The following SRD5A2 variants were observed in gnomAD, a reference collection of about 807,000 sequenced individuals.
SRD5A2 encodes the protein 3-oxo-5-alpha-steroid 4-dehydrogenase 2.
A neutral mutation model predicts 27.4 loss-of-function variants in SRD5A2; 30 were observed. That is an observed-to-expected ratio of 1.10 (90% confidence interval 0.82 to 1.49). SRD5A2 has a LOEUF of 1.49. Among genes scored for constraint, SRD5A2 ranks in the 40% most tolerant of loss-of-function variants. The probability of loss-of-function intolerance (pLI) is 0.00; values close to 1 mark genes in which losing one functional copy is unlikely to be tolerated. For synonymous variants in SRD5A2, 141 were observed against 133.6 expected (o/e 1.06, Z -0.38); for missense variants, 348 against 323.4 (o/e 1.08, Z -0.58).
At chr2:31,585,977 G>A in the SRD5A2 span, among the ~76,000 whole-genome samples, 20 of 152,164 alleles carry the variant, frequency 1.3e-4, no homozygotes, top group African/African-American at 4.6e-4. Context: ...GGAGGAAAGA[G>A]TGGGAAAGAC....
At chr2:31,562,217 C>A (rs1666638177) in intron 1 of SRD5A2, among the ~76,000 whole-genome samples, 1 of 151,548 alleles carries the variant, frequency 6.6e-6, no homozygotes. Flanking sequence ...GTTTACAGGT[C>A]TTTTTTTTCC....
the SRD5A2 span, among the ~76,000 whole-genome samples, chr2:31,599,958 A>G: frequency 1.3e-5 from 2 of 151,946 alleles, no homozygotes; most frequent in East Asian, 1.9e-4. Context: ...CCCATTAGTT[A>G]TTTTTCCTGA....
intron 1 of SRD5A2, among the ~76,000 whole-genome samples, chr2:31,555,570 T>C (rs1409337980): frequency 2.0e-5 from 3 of 152,180 alleles, no homozygotes; most frequent in Non-Finnish European, 2.9e-5. Context: ...TTTCTGAAAC[T>C]ACAGCCAGCA....
the SRD5A2 span, among the ~76,000 whole-genome samples, chr2:31,632,610 C>T: frequency 3.9e-5 from 6 of 152,118 alleles, no homozygotes; most frequent in East Asian, 1.9e-4. Context: ...GACACTGGCA[C>T]GGCCTTCTCG....
chr2:31,635,498 T>C, the SRD5A2 span, among the ~76,000 whole-genome samples: 1 of 152,118 alleles, frequency 6.6e-6, no homozygotes, highest in Non-Finnish European at 1.5e-5. Context: ...TTTTGTGGAT[T>C]GTTTCTTCAC....
the SRD5A2 span, among the ~76,000 whole-genome samples, chr2:31,662,325 T>C: frequency 2.6e-5 from 4 of 152,100 alleles, no homozygotes; most frequent in African/African-American, 9.7e-5. Flanking sequence ...TGTTTGTTTA[T>C]GTTTTTGTTT....
chr2:31,571,248 G>C (rs761002808), intron 1 of SRD5A2, among the ~76,000 whole-genome samples: 14 of 152,020 alleles, frequency 9.2e-5, no homozygotes, highest in Non-Finnish European at 1.9e-4. Flanking sequence ...ATTTAATACA[G>C]TTGACAAAAG....
the SRD5A2 span, among the ~76,000 whole-genome samples, chr2:31,596,439 G>T: frequency 7.2e-6 from 1 of 138,422 alleles, no homozygotes; most frequent in African/African-American, 2.7e-5. Context: ...ACAGGACAAA[G>T]ATGCCCACTT....
chr2:31,592,757 C>A, the SRD5A2 span, among the ~76,000 whole-genome samples: 1 of 152,078 alleles, frequency 6.6e-6, no homozygotes, highest in Non-Finnish European at 1.5e-5. Flanking sequence ...CAGAAGGAAC[C>A]AGAGATGACA....
chr2:31,653,439 A>ACTGTTGG, the SRD5A2 span, among the ~76,000 whole-genome samples: 15 of 152,242 alleles, frequency 9.9e-5, no homozygotes, highest in Middle Eastern at 0.017. Context: ...TCTTTCTGTC[A>ACTGTTGG]CTGTTGGCTC....
chr2:31,586,365 C>T, the SRD5A2 span, among the ~76,000 whole-genome samples: 1 of 152,226 alleles, frequency 6.6e-6, no homozygotes, highest in Non-Finnish European at 1.5e-5. Flanking sequence ...ACCTGGATGG[C>T]TTTTCCACCT....
At chr2:31,661,175 G>A in the SRD5A2 span, among the ~76,000 whole-genome samples, 10 of 152,238 alleles carry the variant, frequency 6.6e-5, no homozygotes, top group East Asian at 1.7e-3. Flanking sequence ...TTCATGTAAA[G>A]CCAAGATACC....
At chr2:31,651,087 A>C in the SRD5A2 span, among the ~76,000 whole-genome samples, 1 of 152,206 alleles carries the variant, frequency 6.6e-6, no homozygotes, top group Non-Finnish European at 1.5e-5. Flanking sequence ...TGATCATTTC[A>C]GGGGAAAATT....
the SRD5A2 span, among the ~76,000 whole-genome samples, chr2:31,656,610 G>A: frequency 2.2e-4 from 34 of 152,240 alleles, no homozygotes; most frequent in South Asian, 4.2e-4. Context: ...TCTGCTATAT[G>A]AGAACACACC....
At chr2:31,593,270 A>G in the SRD5A2 span, among the ~76,000 whole-genome samples, 1 of 152,304 alleles carries the variant, frequency 6.6e-6, no homozygotes, top group Admixed American at 6.5e-5. Context: ...TAATAATAAA[A>G]AAAAGAAATT....
chr2:31,541,085 G>C (rs1371487129), intron 1 of SRD5A2, among the ~76,000 whole-genome samples: 1 of 152,038 alleles, frequency 6.6e-6, no homozygotes, highest in Non-Finnish European at 1.5e-5. Context: ...AGATATTAAA[G>C]ATAAGGACAT....
Position 31,525,256 on chromosome 2 carries a change from ATTG to A in SRD5A2, c.*937_*939del, listed in dbSNP as rs1250157578. On this transcript the variant is annotated 3_prime_UTR_variant, in exon 5 of 5. Coordinates refer to ENST00000622030, the MANE Select transcript of SRD5A2 (RefSeq NM_000348.4). ...GCTTGGGGCTTCTGCTGTACTTCAT[ATTG>A]TTGTGGACATCTGGTGGAGGCAAGC... is the stretch of plus-strand genomic sequence containing the variant. The A allele has an allele frequency of 9.0e-6, 2 of 223,120 alleles. No individual in the cohort carries two copies. The highest frequency in any genetic ancestry group is 1.8e-5 in the Non-Finnish European group (2 of 111,708). 13.8% of individuals were successfully genotyped at this position (223,120 alleles called of 1,614,324 possible).
At position 31,526,144 on chromosome 2, in the gene SRD5A2, G is replaced by C. The variant is rs1665775632; in HGVS notation, c.*52C>G. 8.7e-7 allele frequency: 1 copy of C among 1,152,386 alleles called. No individual in the cohort carries two copies. The allele number at this position is 1,152,386 out of a possible 1,614,324, so 71.4% of individuals were successfully genotyped here. A position where few individuals can be genotyped will look rare whatever the true frequency, so the allele number is the denominator to read the frequency against. The stretch of plus-strand genomic sequence containing the variant: ...ATGAAAATTACAGTTTCAGCAGCTT[G>C]ACAGTTTTCATCAGCATTGTGGGAG... On this transcript the variant is annotated 3_prime_UTR_variant, in exon 5 of 5. Transcript: ENST00000622030.
intron 4 of SRD5A2, 26 bp from the exon 5 acceptor site, chr2:31,526,288 T>C (rs1665780479): frequency 2.7e-6 from 4 of 1,462,904 alleles, no homozygotes; most frequent in South Asian, 1.2e-5. Flanking sequence ...GGAATAATTG[T>C]AAATATAATG....
Sources: allele counts gnomAD v4.1 joint callset (sites outside exome capture counted in the v4.1 genomes callset), GRCh38; gene constraint gnomAD v4.1.1; transcripts MANE v1.5; gene names NCBI Gene and HGNC (gene_info 2026-07-23, HGNC 2026-07-21).